Variants in INPP5D observed in about 807,000 individuals in gnomAD.
The protein encoded by INPP5D is phosphatidylinositol 3,4,5-trisphosphate 5-phosphatase 1.
Under a neutral mutation model 122.9 loss-of-function variants are expected in INPP5D, and 33 were observed. The ratio of observed to expected loss-of-function variants is 0.27; its 90% CI spans 0.20 to 0.36. INPP5D has a LOEUF of 0.36. Ranked by LOEUF, INPP5D falls within the 10% of genes least tolerant of loss-of-function variation. INPP5D has a pLI of 1.00. For missense variants in INPP5D, 1,053 were observed against 1,412.7 expected (o/e 0.75, Z 4.08); for synonymous variants, 584 against 576.2 (o/e 1.01, Z -0.19).
Position 233,078,639 on chromosome 2 carries a change from C to T in INPP5D, c.135-696C>T, listed in dbSNP as rs1235230413. On this transcript the variant is annotated intron_variant, in intron 1 of 26. Transcript: ENST00000445964. This position sits in a 1 kb window ranked among gnomAD's most constrained non-coding sequence, Gnocchi z 4.6. The stretch of plus-strand genomic sequence containing the variant: ...CCGCTCTGCTTGGGCCCACTGGAGT[C>T]GTGTTTCTTCTTCAAACACCCCCTC... Among the ~76,000 whole-genome samples the T allele has an allele frequency of 6.6e-6, 1 of 152,072 alleles. No individual in the cohort carries two copies. The highest frequency in any genetic ancestry group is 1.5e-5 in the Non-Finnish European group (1 of 68,012).
chr2:233,174,752 A>G (rs894797047), intron 17 of INPP5D, among the ~76,000 whole-genome samples: 2 of 148,316 alleles, frequency 1.3e-5, no homozygotes, highest in African/African-American at 5.0e-5. Context: ...AGATTGCCCC[A>G]CTGCACTCCA....
intron 1 of INPP5D, among the ~76,000 whole-genome samples, chr2:233,077,814 C>T (rs1275572444): frequency 1.3e-5 from 2 of 149,848 alleles, no homozygotes; most frequent in East Asian, 1.9e-4. Flanking sequence ...GAGCCGAGAT[C>T]GTGCCACTGC....
intron 2 of INPP5D, among the ~76,000 whole-genome samples, chr2:233,099,250 C>T (rs534486737): frequency 4.4e-4 from 67 of 152,272 alleles, no homozygotes; most frequent in African/African-American, 1.5e-3. Flanking sequence ...CGTGCCCAGC[C>T]GAGACTTGGA....
chr2:233,124,260 GT>G (rs1201569942), intron 3 of INPP5D, among the ~76,000 whole-genome samples: 3 of 152,118 alleles, frequency 2.0e-5, no homozygotes, highest in Admixed American at 1.3e-4. Context: ...GGAGAGATTT[GT>G]CCACAGACGC....
chr2:233,130,456 G>A (rs1693288146), intron 4 of INPP5D, 52 bp from the exon 5 acceptor site: 9 of 1,590,894 alleles, frequency 5.7e-6, no homozygotes, highest in Non-Finnish European at 7.7e-6. Flanking sequence ...ATTGGTGATG[G>A]TGGCTAAAAG....
At chr2:233,186,046 T>C in intron 21 of INPP5D, 121 bp downstream of exon 21, 1 of 1,310,414 alleles carries the variant, frequency 7.6e-7, no homozygotes. Flanking sequence ...ATAGACCAAA[T>C]GCAGAAAGAG....
At chr2:233,125,524 C>T (rs1174970393) in intron 3 of INPP5D, among the ~76,000 whole-genome samples, 1 of 152,198 alleles carries the variant, frequency 6.6e-6, no homozygotes, top group African/African-American at 2.4e-5. Flanking sequence ...GCCTTTTGGC[C>T]CTGGCAGGTG....
In INPP5D at chr2:233,084,228, A is replaced by T. The variant is rs571932312; in HGVS notation, c.198+4830A>T. Among the ~76,000 whole-genome samples, 27 of 151,994 alleles carry T rather than the reference A, an allele frequency of 1.8e-4. No individual in the cohort carries two copies. The South Asian group carries it at 5.6e-3, about 32-fold the overall frequency. The stretch of plus-strand genomic sequence containing the variant: ...ACCACTATGCCCAGCTAAATTTTGT[A>T]TTTTTCTGTAGAGATAGGGTTTCAC... On this transcript the variant is annotated intron_variant, in intron 2 of 26. Coordinates refer to ENST00000445964, the MANE Select transcript of INPP5D (RefSeq NM_001017915.3).
At chr2:233,076,452 G>A (rs1398209571) in intron 1 of INPP5D, 2 of 152,184 alleles carry the variant, frequency 1.3e-5, no homozygotes, top group East Asian at 3.8e-4. Context: ...GGGGACTAAA[G>A]CCATGGAAGA....
At chr2:233,086,668 C>T (rs199832230) in intron 2 of INPP5D, among the ~76,000 whole-genome samples, 1 of 58,992 alleles carries the variant, frequency 1.7e-5, no homozygotes, top group African/African-American at 1.8e-4. Context: ...GATCTGCCCT[C>T]CTCTAGATTT....
intron 17 of INPP5D, among the ~76,000 whole-genome samples, chr2:233,174,949 G>A (rs557298054): frequency 5.3e-5 from 8 of 152,118 alleles, no homozygotes; most frequent in South Asian, 2.1e-4. Context: ...ATGTTTAGCC[G>A]GGCATGGTGG....
intron 5 of INPP5D, among the ~76,000 whole-genome samples, chr2:233,138,177 C>G (rs1353222803): frequency 6.6e-6 from 1 of 150,450 alleles, no homozygotes; most frequent in Non-Finnish European, 1.5e-5. Flanking sequence ...TGGCGAAGCC[C>G]CGTCTCTACT....
At chr2:233,134,478 AG>A (rs1232657592) in intron 5 of INPP5D, among the ~76,000 whole-genome samples, 3 of 152,170 alleles carry the variant, frequency 2.0e-5, no homozygotes, top group Admixed American at 2.0e-4. Flanking sequence ...AGTGTGAATG[AG>A]AAGGACATTG....
At chr2:233,097,420 A>G (rs193054466) in intron 2 of INPP5D, among the ~76,000 whole-genome samples, 81 of 152,386 alleles carry the variant, frequency 5.3e-4, no homozygotes, top group African/African-American at 1.9e-3. Context: ...GTTAATTTAT[A>G]AATAACTTAT....
At chr2:233,146,070 A>G in intron 6 of INPP5D, 92 bp from the exon 7 acceptor site, 1 of 703,770 alleles carries the variant, frequency 1.4e-6, no homozygotes, top group East Asian at 2.7e-5. Context: ...GGAGGCTGGA[A>G]TGGGGTGAGG....
intron 23 of INPP5D, among the ~76,000 whole-genome samples, chr2:233,195,106 A>G (rs1473485518): frequency 1.3e-5 from 2 of 152,008 alleles, no homozygotes; most frequent in Non-Finnish European, 2.9e-5. Flanking sequence ...TGTTTATTTT[A>G]ATCTGACAAA....
chr2:233,151,603 T>A (rs1049141897), intron 9 of INPP5D, among the ~76,000 whole-genome samples: 1 of 152,210 alleles, frequency 6.6e-6, no homozygotes, highest in Admixed American at 6.5e-5. Context: ...GCTCAGCAAG[T>A]GCGTGCTCAG....
chr2:233,123,193 C>T (rs1241825253), intron 3 of INPP5D, among the ~76,000 whole-genome samples: 4 of 152,156 alleles, frequency 2.6e-5, no homozygotes, highest in South Asian at 2.1e-4. Flanking sequence ...CAGTGGCTCA[C>T]GCCTGTAATC....
In INPP5D at chr2:233,066,505, G is replaced by A. The variant is rs559981261; in HGVS notation, c.134+5893G>A. Among the ~76,000 whole-genome samples the A allele has an allele frequency of 5.3e-5, 8 of 152,338 alleles. No individual in the cohort carries two copies. In the South Asian group the frequency reaches 1.7e-3, roughly 32 times the overall value. Reference sequence around the variant, plus strand: ...CTGTGTCAACCCAGCATCTTCACAGGTGGAATGAGGATGACAAGGCCAAAG... The same window carrying A: ...CTGTGTCAACCCAGCATCTTCACAGATGGAATGAGGATGACAAGGCCAAAG... On this transcript the variant is annotated intron_variant, in intron 1 of 26. Coordinates refer to ENST00000445964, the MANE Select transcript of INPP5D (RefSeq NM_001017915.3).
Sources: gnomAD v4.1 joint callset for allele counts (sites outside exome capture counted in the v4.1 genomes callset) on GRCh38, gnomAD v4.1.1 for gene constraint, Gnocchi (gnomAD v3.1) non-coding constraint, MANE v1.5 for transcripts, NCBI Gene and HGNC (gene_info 2026-07-23, HGNC 2026-07-21) for gene names.